Variants in FOXP1 observed in about 807,000 individuals in gnomAD.
FOXP1 encodes forkhead box protein P1.
Under a neutral mutation model 98.2 loss-of-function variants are expected in FOXP1, and 15 were observed. The ratio of observed to expected loss-of-function variants is 0.15; its 90% CI spans 0.10 to 0.24. The LOEUF (loss-of-function observed/expected upper bound fraction) is 0.24, where lower values mean the gene tolerates loss of function less well. Among genes scored for constraint, FOXP1 ranks in the 10% least tolerant of loss-of-function variants. FOXP1 has a pLI of 1.00. For missense variants in FOXP1, 633 were observed against 848.5 expected (o/e 0.75, Z 3.15); for synonymous variants, 371 against 314.5 (o/e 1.18, Z -1.90).
At chr3:71,309,199 G>C (rs773423650) in intron 4 of FOXP1, among the ~76,000 whole-genome samples, 1 of 151,880 alleles carries the variant, frequency 6.6e-6, no homozygotes. Context: ...TATCCATCTC[G>C]ATCCATCCAT....
intron 4 of FOXP1, among the ~76,000 whole-genome samples, chr3:71,305,364 G>A (rs533133538): frequency 3.9e-5 from 6 of 152,110 alleles, no homozygotes; most frequent in South Asian, 4.2e-4. Flanking sequence ...CTTCCCTCCC[G>A]ACCGCCTCTC....
At chr3:71,238,520 A>T (rs182186876) in intron 5 of FOXP1, among the ~76,000 whole-genome samples, 1 of 152,198 alleles carries the variant, frequency 6.6e-6, no homozygotes, top group Non-Finnish European at 1.5e-5. Flanking sequence ...TCCTGAAGGA[A>T]TACTTGTCTT....
At chr3:71,266,929 A>G (rs1368103797) in intron 5 of FOXP1, among the ~76,000 whole-genome samples, 1 of 152,138 alleles carries the variant, frequency 6.6e-6, no homozygotes, top group African/African-American at 2.4e-5. Flanking sequence ...GCAGTTTTGG[A>G]CTTTCAATGC....
In FOXP1 at chr3:70,956,462, A is replaced by G; in HGVS notation, c.*2785T>C. On this transcript the variant is annotated 3_prime_UTR_variant, in exon 21 of 21. Coordinates refer to ENST00000649528, the MANE Select transcript of FOXP1 (RefSeq NM_001349338.3). ...AGTCTTTAGACTAAGCATGCAAGAC[A>G]TACGACTAAGTGCAACTGAGTGAAA... 4.4e-6 allele frequency: 1 copy of G among 228,862 alleles called. No homozygotes were observed. Among genetic ancestry groups the G allele is most frequent in the East Asian group, 6.2e-5 (1 of 16,184 alleles). The allele number at this position is 228,862 out of a possible 1,614,324, so 14.2% of individuals were successfully genotyped here.
At chr3:71,215,096 T>G (rs987890492) in intron 5 of FOXP1, among the ~76,000 whole-genome samples, 12 of 152,206 alleles carry the variant, frequency 7.9e-5, no homozygotes, top group African/African-American at 2.9e-4. Context: ...GTGATTCACA[T>G]GCATATTAAA....
At chr3:71,387,384 C>T (rs922979013) in intron 3 of FOXP1, among the ~76,000 whole-genome samples, 2 of 152,120 alleles carry the variant, frequency 1.3e-5, no homozygotes, top group African/African-American at 4.8e-5. Context: ...AAATATATCC[C>T]TTTTTCTTGA....
chr3:71,486,301 T>G (rs908992322), intron 3 of FOXP1, among the ~76,000 whole-genome samples: 1 of 152,234 alleles, frequency 6.6e-6, no homozygotes, highest in South Asian at 2.1e-4. Context: ...GCCTGATGAA[T>G]AGCTCTCTAA....
chr3:71,339,934 A>C (rs1482458026), intron 4 of FOXP1, among the ~76,000 whole-genome samples: 1 of 152,228 alleles, frequency 6.6e-6, no homozygotes, highest in African/African-American at 2.4e-5. Context: ...ACCATGTTTC[A>C]TTCATAGTGA....
upstream of FOXP1, chr3:71,583,807 TGGCGGC>T (rs535627863): frequency 2.3e-5 from 23 of 986,470 alleles, no homozygotes; most frequent in African/African-American, 2.6e-4. Context: ...CCAGCGCCGG[TGGCGGC>T]GGCGGCGGCG....
chr3:71,501,052 T>A (rs1250199148), intron 2 of FOXP1, among the ~76,000 whole-genome samples: 1 of 151,840 alleles, frequency 6.6e-6, no homozygotes, highest in Non-Finnish European at 1.5e-5. Flanking sequence ...ATTAGCCAGG[T>A]GGGGTGGCGG....
intron 3 of FOXP1, among the ~76,000 whole-genome samples, chr3:71,418,031 C>T (rs1014832806): frequency 6.6e-6 from 1 of 151,014 alleles, no homozygotes; most frequent in Non-Finnish European, 1.5e-5. Context: ...TTTTTACTCA[C>T]GAAGTTGCCA....
At chr3:71,580,551 G>A (rs1428446145) in intron 2 of FOXP1, among the ~76,000 whole-genome samples, 3 of 152,054 alleles carry the variant, frequency 2.0e-5, no homozygotes, top group Admixed American at 1.3e-4. Flanking sequence ...AAAAATAGCA[G>A]GAACTCCTCT....
chr3:71,105,656 ATGTTCCAAACGCATG>A, intron 7 of FOXP1, among the ~76,000 whole-genome samples: 1 of 152,260 alleles, frequency 6.6e-6, no homozygotes, highest in East Asian at 1.9e-4. Flanking sequence ...AAACTAGTCC[ATGTTCCAAACGCATG>A]GACGCTCATA....
intron 3 of FOXP1, among the ~76,000 whole-genome samples, chr3:71,423,898 G>A (rs1233104064): frequency 2.6e-5 from 4 of 151,964 alleles, no homozygotes; most frequent in Non-Finnish European, 4.4e-5. Context: ...AAATATACCC[G>A]CAAGTCCATA....
chr3:71,501,612 G>GAACA (rs1164802051), intron 2 of FOXP1, among the ~76,000 whole-genome samples: 1 of 152,066 alleles, frequency 6.6e-6, no homozygotes, highest in African/African-American at 2.4e-5. Context: ...AAACACTTTT[G>GAACA]AACAACAACA....
intron 3 of FOXP1, among the ~76,000 whole-genome samples, chr3:71,421,217 C>A (rs925533796): frequency 2.0e-5 from 3 of 152,016 alleles, no homozygotes; most frequent in African/African-American, 7.3e-5. Flanking sequence ...AGTAAGAATG[C>A]GCAAAGCAAG....
At chr3:71,382,253 C>T (rs990488726) in intron 3 of FOXP1, among the ~76,000 whole-genome samples, 2 of 151,658 alleles carry the variant, frequency 1.3e-5, no homozygotes, top group African/African-American at 2.4e-5. Flanking sequence ...CCAACATGGG[C>T]GACAGGGACC....
At chr3:71,043,823 AC>A (rs1313259227) in intron 10 of FOXP1, among the ~76,000 whole-genome samples, 7 of 152,236 alleles carry the variant, frequency 4.6e-5, no homozygotes, top group African/African-American at 1.7e-4. Context: ...GCAAATAAAG[AC>A]AAAGACAAAT....
intron 11 of FOXP1, among the ~76,000 whole-genome samples, chr3:71,031,358 A>G (rs1277839558): frequency 6.6e-6 from 1 of 152,256 alleles, no homozygotes; most frequent in Non-Finnish European, 1.5e-5. Flanking sequence ...TCTTACAGGT[A>G]GTATAAATAT....
Sources: gnomAD v4.1 joint callset for allele counts (sites outside exome capture counted in the v4.1 genomes callset) on GRCh38, gnomAD v4.1.1 for gene constraint, MANE v1.5 for transcripts, NCBI Gene and HGNC (gene_info 2026-07-23, HGNC 2026-07-21) for gene names.